The following CCDC179 variants were observed in gnomAD, a reference collection of about 807,000 sequenced individuals.
CCDC179 encodes the protein coiled-coil domain containing 179.
CCDC179 carries 17 observed loss-of-function variants against 12.0 expected under a neutral mutation model. The observed-to-expected ratio is 1.42, with a 90% CI of 0.97 to 2.13. The LOEUF (loss-of-function observed/expected upper bound fraction) is 2.13, where lower values mean the gene tolerates loss of function less well. CCDC179 is among the 30% of genes most tolerant of loss of function. CCDC179 has a pLI of 0.00. For synonymous variants in CCDC179, 27 were observed against 26.4 expected (o/e 1.02, Z -0.07); for missense variants, 83 against 78.6 (o/e 1.06, Z -0.21).
At chr11:22,860,213 G>A (rs774989715) in intron 1 of CCDC179, among the ~76,000 whole-genome samples, 164 bp downstream of exon 1, 3 of 152,206 alleles carry the variant, frequency 2.0e-5, no homozygotes, top group Non-Finnish European at 4.4e-5. Flanking sequence ...GAGGGGTCCA[G>A]CAGTCAGGAT....
intron 3 of CCDC179, among the ~76,000 whole-genome samples, chr11:22,850,940 C>CCA (rs1401824398): frequency 1.2e-4 from 2 of 16,526 alleles, no homozygotes; most frequent in African/African-American, 2.0e-4. Flanking sequence ...GTTGCATAGG[C>CCA]TATATATATA....
intron 3 of CCDC179, among the ~76,000 whole-genome samples, chr11:22,856,119 A>G (rs967029668): frequency 2.0e-5 from 3 of 151,502 alleles, no homozygotes; most frequent in African/African-American, 7.2e-5. Flanking sequence ...AATTCTTTAC[A>G]ATATCTTGCA....
chr11:22,855,043 C>G (rs577435777), intron 3 of CCDC179, among the ~76,000 whole-genome samples: 1 of 151,542 alleles, frequency 6.6e-6, no homozygotes, highest in Non-Finnish European at 1.5e-5. Context: ...AACAACAGAA[C>G]GTCAAAATAT....
Position 22,857,984 on chromosome 11 carries a change from C to G in CCDC179, c.133G>C (p.Glu45Gln), listed in dbSNP as rs1858566826. The change falls in exon 3 of 4, where the codon GAG becomes CAG. Residue 45 changes from glutamate (E) to glutamine (Q), a missense_variant. By Grantham distance (29) the Glu-to-Gln change is conservative. Transcript: ENST00000532798. Reference protein sequence around the residue: ...RIQNMQHLKKEKRRLNKRFSR... With the variant: ...RIQNMQHLKKQKRRLNKRFSR... The stretch of plus-strand genomic sequence containing the variant: ...AACCTTTTATTCAGTCTCCTCTTCT[C>G]TTTCTTTAGGTGTTGCATATTCTGA... 8 of 1,528,144 alleles carry G rather than the reference C, an allele frequency of 5.2e-6. No individual in the cohort carries two copies. The highest frequency in any genetic ancestry group is 2.8e-5 in the African/African-American group (2 of 72,684). The allele number at this position is 1,528,144 out of a possible 1,614,324, so 94.7% of individuals were successfully genotyped here.
At chr11:22,848,467 A>G (rs1477435045) in intron 3 of CCDC179, among the ~76,000 whole-genome samples, 6 of 152,174 alleles carry the variant, frequency 3.9e-5, no homozygotes, top group Non-Finnish European at 5.9e-5. Context: ...AAAAGTTTAC[A>G]GACAAAAATA....
chr11:22,851,542 G>A (rs1858403974), intron 3 of CCDC179, among the ~76,000 whole-genome samples: 1 of 152,148 alleles, frequency 6.6e-6, no homozygotes, highest in Admixed American at 6.5e-5. Context: ...GAGCTTTCCA[G>A]CCTGACATAT....
intron 3 of CCDC179, among the ~76,000 whole-genome samples, chr11:22,850,976 ATTT>A (rs1164245496): frequency 0.034 from 203 of 6,022 alleles, 8 homozygotes; most frequent in African/African-American, 0.062. Flanking sequence ...ATATATATAT[ATTT>A]TTTTTTTTTT....
chr11:22,853,073 CAG>C (rs943383103), intron 3 of CCDC179, among the ~76,000 whole-genome samples: 1 of 152,178 alleles, frequency 6.6e-6, no homozygotes, highest in African/African-American at 2.4e-5. Flanking sequence ...AAAACTGAAT[CAG>C]GGGAAATTTT....
intron 3 of CCDC179, among the ~76,000 whole-genome samples, chr11:22,856,868 T>A (rs1443478939): frequency 6.6e-6 from 1 of 151,564 alleles, no homozygotes; most frequent in Non-Finnish European, 1.5e-5. Flanking sequence ...TTCAATTGAT[T>A]TCCTTTATGC....
intron 1 of CCDC179, 132 bp downstream of exon 1, chr11:22,860,245 G>T (rs1450283344): frequency 6.0e-5 from 61 of 1,013,534 alleles, no homozygotes; most frequent in Non-Finnish European, 8.3e-5. Flanking sequence ...ACATCACCTG[G>T]AATTTCCCAA....
intron 3 of CCDC179, 45 bp from the exon 4 acceptor site, chr11:22,847,566 A>G (rs1185121393): frequency 9.1e-7 from 1 of 1,096,412 alleles, no homozygotes; most frequent in South Asian, 1.9e-5. Context: ...TTTAATTAAA[A>G]TTTATATAAG....
chr11:22,857,103 C>A (rs1858545572), intron 3 of CCDC179, among the ~76,000 whole-genome samples: 1 of 151,484 alleles, frequency 6.6e-6, no homozygotes, highest in South Asian at 2.1e-4. Flanking sequence ...CCAAACTGAT[C>A]CTTTGGATCC....
chr11:22,852,578 A>C (rs997917738), intron 3 of CCDC179, among the ~76,000 whole-genome samples: 1 of 152,202 alleles, frequency 6.6e-6, no homozygotes, highest in African/African-American at 2.4e-5. Context: ...TCTTAGCTCA[A>C]CTAGTCCTGT....
intron 3 of CCDC179, 78 bp from the exon 4 acceptor site, chr11:22,847,599 T>G: frequency 1.4e-6 from 1 of 722,266 alleles, no homozygotes; most frequent in Middle Eastern, 4.1e-4. Context: ...ATACTATAAA[T>G]TATTTGGAAA....
At chr11:22,859,557 AATT>A (rs1286935515) in intron 1 of CCDC179, 61 bp from the exon 2 acceptor site, 8 of 967,508 alleles carry the variant, frequency 8.3e-6, no homozygotes, top group African/African-American at 4.9e-5. Context: ...ACAGTAAATT[AATT>A]ATTATAATAG....
chr11:22,850,555 T>G (rs1465103517), intron 3 of CCDC179, among the ~76,000 whole-genome samples: 1 of 152,044 alleles, frequency 6.6e-6, no homozygotes, highest in Non-Finnish European at 1.5e-5. Flanking sequence ...TAAACATGCA[T>G]GTGTAAGTGT....
chr11:22,859,444 A>G lies in CCDC179; in HGVS notation c.90+8T>C. ...CAACCAGAACCTAGTTCTTTATTTAAACATTACCTGCCGCTCAGTGACCTC... is the reference window on the plus strand; with the variant it reads ...CAACCAGAACCTAGTTCTTTATTTAGACATTACCTGCCGCTCAGTGACCTC... On this transcript the variant is annotated splice_region_variant and intron_variant, in intron 2 of 3. Transcript: ENST00000532798. 6.7e-7 allele frequency: 1 copy of G among 1,485,676 alleles called. No individual in the cohort carries two copies. The highest frequency in any genetic ancestry group is 8.9e-7 in the Non-Finnish European group (1 of 1,118,852). The allele number at this position is 1,485,676 out of a possible 1,614,324, so 92.0% of individuals were successfully genotyped here.
intron 3 of CCDC179, among the ~76,000 whole-genome samples, chr11:22,847,729 A>G (rs1302409239): frequency 6.6e-6 from 1 of 152,202 alleles, no homozygotes; most frequent in African/African-American, 2.4e-5. Flanking sequence ...ATACAAAAAT[A>G]ATTATCATCA....
chr11:22,859,293 C>T (rs1195210340), intron 2 of CCDC179, among the ~76,000 whole-genome samples, 159 bp downstream of exon 2: 1 of 152,066 alleles, frequency 6.6e-6, no homozygotes, highest in East Asian at 1.9e-4. Context: ...CTAGTTAAGA[C>T]CCATTCCAAT....
Sources: gnomAD v4.1 joint callset for allele counts (sites outside exome capture counted in the v4.1 genomes callset) on GRCh38, gnomAD v4.1.1 for gene constraint, MANE v1.5 for transcripts, NCBI Gene and HGNC (gene_info 2026-07-23, HGNC 2026-07-21) for gene names.